The following TRAK1 variants were observed in gnomAD, a reference collection of about 807,000 sequenced individuals.
TRAK1 encodes trafficking kinesin protein 1, also known as trafficking kinesin-binding protein 1.
A neutral mutation model predicts 92.1 loss-of-function variants in TRAK1; 33 were observed. The ratio of observed to expected loss-of-function variants is 0.36; its 90% CI spans 0.27 to 0.48. The LOEUF (loss-of-function observed/expected upper bound fraction) is 0.48, where lower values mean the gene tolerates loss of function less well. Ranked by LOEUF, TRAK1 falls within the 20% of genes least tolerant of loss-of-function variation. The pLI is 0.99. For synonymous variants in TRAK1, 521 were observed against 517.3 expected, an observed-to-expected ratio of 1.01 and a Z score of -0.10; for missense variants, 1,123 against 1,257.9, an observed-to-expected ratio of 0.89 and a Z score of 1.62.
Position 42,199,270 on chromosome 3 carries a change from T to C in TRAK1, c.1190+17T>C, listed in dbSNP as rs1022892793. 1.2e-6 allele frequency: 2 copies of C among 1,613,754 alleles called. No homozygotes were observed. The highest frequency in any genetic ancestry group is 1.7e-6 in the Non-Finnish European group (2 of 1,179,898). On this transcript the variant is annotated intron_variant, in intron 11 of 15. Coordinates refer to ENST00000327628, the MANE Select transcript of TRAK1 (RefSeq NM_001042646.3). ...AGACATCACGTACGGCCACAGTTTT[T>C]ACAGTTTTGAGATTCCCAGAGACCA...
chr3:42,061,877 G>T (rs1041355178), intron 1 of TRAK1, among the ~76,000 whole-genome samples: 1 of 152,206 alleles, frequency 6.6e-6, no homozygotes, highest in Non-Finnish European at 1.5e-5. Context: ...TTTGGAAACG[G>T]ATATTCAATT....
At chr3:42,211,185 T>G in intron 14 of TRAK1, 4 of 985,388 alleles carry the variant, frequency 4.1e-6, no homozygotes, top group Non-Finnish European at 4.8e-6. Context: ...ACACTCCCCT[T>G]GAAATACAGG....
chr3:42,095,138 A>T (rs73828538), intron 1 of TRAK1, among the ~76,000 whole-genome samples: 2,879 of 152,274 alleles, frequency 0.019, 98 homozygotes, highest in African/African-American at 0.066. Context: ...CATATTATAC[A>T]GTTAGCCTTC....
chr3:42,126,536 C>CT (rs1036429238), intron 2 of TRAK1, among the ~76,000 whole-genome samples: 2 of 152,168 alleles, frequency 1.3e-5, no homozygotes, highest in Non-Finnish European at 2.9e-5. Context: ...AAAATGAATA[C>CT]TTTATGATTC....
At chr3:42,088,945 C>T (rs1006127568), upstream of TRAK1, among the ~76,000 whole-genome samples, 2 of 152,174 alleles carry the variant, frequency 1.3e-5, no homozygotes, top group Non-Finnish European at 2.9e-5. Context: ...TTAAAATCGC[C>T]TTCTGTACTG....
rs1363952514 is a variant in TRAK1, at chr3:42,197,255, C to T, written c.1114-1922C>T. 2.0e-5 allele frequency among the ~76,000 whole-genome samples: 3 copies of T among 151,916 alleles called. No homozygotes were observed. In the East Asian group the frequency reaches 5.8e-4, roughly 29 times the overall value. Reference sequence around the variant, plus strand: ...TATCTGAGGGGGATTGGTTCCAGGACCCCCTGCAGATACCAAATCCTTCAA... The same window carrying T: ...TATCTGAGGGGGATTGGTTCCAGGATCCCCTGCAGATACCAAATCCTTCAA... On this transcript the variant is annotated intron_variant, in intron 10 of 15. Transcript: ENST00000327628.
chr3:42,194,470 A>G (rs1706306481), intron 9 of TRAK1, among the ~76,000 whole-genome samples: 1 of 151,660 alleles, frequency 6.6e-6, no homozygotes, highest in Non-Finnish European at 1.5e-5. Flanking sequence ...TTCTGTGCCC[A>G]AGCAAACTGC....
At chr3:42,061,801 T>C (rs908131612) in intron 1 of TRAK1, among the ~76,000 whole-genome samples, 5 of 152,190 alleles carry the variant, frequency 3.3e-5, no homozygotes, top group Admixed American at 1.3e-4. Context: ...AGCCCATCCA[T>C]CTACCCATCT....
chr3:42,118,125 C>G (rs1327786289), intron 1 of TRAK1, among the ~76,000 whole-genome samples: 1 of 151,938 alleles, frequency 6.6e-6, no homozygotes, highest in Non-Finnish European at 1.5e-5. Flanking sequence ...ACTCTGTCGC[C>G]CAGGCTGGAG....
intron 3 of TRAK1, among the ~76,000 whole-genome samples, chr3:42,183,059 C>T (rs1704233055): frequency 6.6e-6 from 1 of 152,134 alleles, no homozygotes. Flanking sequence ...GTAAGAAACA[C>T]AGCTTAGGTT....
intron 2 of TRAK1, among the ~76,000 whole-genome samples, chr3:42,168,783 G>T (rs1702178569): frequency 6.6e-6 from 1 of 151,762 alleles, no homozygotes; most frequent in Non-Finnish European, 1.5e-5. Flanking sequence ...TATTGTCCAG[G>T]CTGGTCTCAA....
chr3:42,065,920 A>T (rs954408658), intron 1 of TRAK1, among the ~76,000 whole-genome samples: 7 of 152,088 alleles, frequency 4.6e-5, no homozygotes, highest in African/African-American at 1.7e-4. Flanking sequence ...TTGAGCCACC[A>T]CACCTGGCTA....
At chr3:42,215,199 G>T (rs571414073) in intron 14 of TRAK1, among the ~76,000 whole-genome samples, 107 of 152,278 alleles carry the variant, frequency 7.0e-4, no homozygotes, top group African/African-American at 2.4e-3. Flanking sequence ...CATCTTCCAT[G>T]CCCTGATATT....
At chr3:42,118,894 T>C (rs1386041832) in intron 1 of TRAK1, among the ~76,000 whole-genome samples, 3 of 152,242 alleles carry the variant, frequency 2.0e-5, no homozygotes, top group Non-Finnish European at 2.9e-5. Flanking sequence ...CTTTCCTCTA[T>C]GCTGGATAAA....
At chr3:42,190,708 A>G (rs1705587963) in intron 6 of TRAK1, among the ~76,000 whole-genome samples, 1 of 152,040 alleles carries the variant, frequency 6.6e-6, no homozygotes. Context: ...GCTCAGAGAC[A>G]CTTCTGTCTA....
Position 42,223,156 on chromosome 3 carries a change from A to G in TRAK1, c.2281A>G (p.Arg761Gly). The G allele has an allele frequency of 6.2e-7, 1 of 1,613,968 alleles. No individual in the cohort carries two copies. Among genetic ancestry groups the G allele is most frequent in the East Asian group, 2.2e-5 (1 of 44,848 alleles). The change falls in exon 16 of 16, where the codon AGG becomes GGG. Residue 761 changes from arginine (R) to glycine (G), a missense_variant. By Grantham distance (125) the Arg-to-Gly change is moderately radical. Coordinates refer to ENST00000327628, the MANE Select transcript of TRAK1 (RefSeq NM_001042646.3). The surrounding 1 kb of genome is among the most constrained non-coding windows in gnomAD (Gnocchi z 6.1). Reference sequence around the variant, plus strand: ...CGTGTACGACCCCCAGAGCTGGGACAGGGCCGGCCGGGGCTCCCTCCTGCA... The same window carrying G: ...CGTGTACGACCCCCAGAGCTGGGACGGGGCCGGCCGGGGCTCCCTCCTGCA... The part of the protein sequence containing the change: ...AAVYDPQSWD[R>G]AGRGSLLHSY...
At chr3:42,142,578 G>A (rs1376485257) in intron 2 of TRAK1, among the ~76,000 whole-genome samples, 1 of 152,154 alleles carries the variant, frequency 6.6e-6, no homozygotes, top group Non-Finnish European at 1.5e-5. Flanking sequence ...TCCATGTAGG[G>A]TTGGCTTATT....
chr3:42,066,022 C>G (rs1703661233), intron 1 of TRAK1, among the ~76,000 whole-genome samples: 1 of 152,194 alleles, frequency 6.6e-6, no homozygotes, highest in Admixed American at 6.5e-5. Flanking sequence ...ACAGAACAAA[C>G]CCCTATTAAA....
chr3:42,166,336 C>T (rs1265922160), intron 2 of TRAK1, among the ~76,000 whole-genome samples: 2 of 152,252 alleles, frequency 1.3e-5, no homozygotes, highest in East Asian at 3.9e-4. Flanking sequence ...GTGCCAGGCT[C>T]ATGGTGAGGG....
Sources: gnomAD v4.1 joint callset for allele counts (sites outside exome capture counted in the v4.1 genomes callset) on GRCh38, gnomAD v4.1.1 for gene constraint, Gnocchi (gnomAD v3.1) non-coding constraint, MANE v1.5 for transcripts, NCBI Gene and HGNC (gene_info 2026-07-23, HGNC 2026-07-21) for gene names.